The following SPTBN4 variants were observed in gnomAD, a reference collection of about 807,000 sequenced individuals.
The protein encoded by SPTBN4 is spectrin beta, non-erythrocytic 4, also known as spectrin beta chain, non-erythrocytic 4.
In SPTBN4, 96 loss-of-function variants were observed where a neutral mutation model predicts 277.8. The ratio of observed to expected loss-of-function variants is 0.35; its 90% CI spans 0.29 to 0.41. The LOEUF is 0.41. SPTBN4 is among the 10% of genes least tolerant of loss of function. The probability of loss-of-function intolerance (pLI) is 1.00; values close to 1 mark genes in which losing one functional copy is unlikely to be tolerated. For missense variants in SPTBN4, 3,006 were observed against 3,595.7 expected, an observed-to-expected ratio of 0.84 and a Z score of 4.19; for synonymous variants, 1,481 against 1,580.3, an observed-to-expected ratio of 0.94 and a Z score of 1.49.
chr19:40,569,619 C>T (rs1266550859), intron 31 of SPTBN4, 38 bp from the exon 32 acceptor site: 3 of 1,607,428 alleles, frequency 1.9e-6, no homozygotes, highest in African/African-American at 2.7e-5. Flanking sequence ...GAGAAGGAAC[C>T]CTGGTTTCAC....
intron 20 of SPTBN4, among the ~76,000 whole-genome samples, chr19:40,547,620 G>A (rs550712111): frequency 1.3e-5 from 2 of 152,258 alleles, no homozygotes; most frequent in South Asian, 4.2e-4. Context: ...CTTCCCCAAT[G>A]GTTGAACCAG....
intron 1 of SPTBN4, among the ~76,000 whole-genome samples, chr19:40,469,831 G>T (rs1445113683): frequency 6.9e-6 from 1 of 145,778 alleles, no homozygotes; most frequent in Non-Finnish European, 1.5e-5. Flanking sequence ...TTTAGTAGAG[G>T]CGGGGTTTCA....
chr19:40,493,081 G>A (rs746795532), intron 5 of SPTBN4, 27 bp downstream of exon 5: 10 of 1,610,732 alleles, frequency 6.2e-6, no homozygotes, highest in Non-Finnish European at 2.5e-6. Context: ...CCTTCCTTAG[G>A]AGGTTAGGCA....
chr19:40,501,338 A>G (rs965955964), intron 7 of SPTBN4, among the ~76,000 whole-genome samples: 28 of 152,142 alleles, frequency 1.8e-4, no homozygotes, highest in Non-Finnish European at 8.8e-5. Context: ...CAGCACATGC[A>G]AAGGCCCTGA....
intron 13 of SPTBN4, among the ~76,000 whole-genome samples, chr19:40,506,992 C>A (rs959063318): frequency 1.3e-5 from 2 of 151,358 alleles, no homozygotes; most frequent in African/African-American, 2.4e-5. Flanking sequence ...TCTTAAAAAA[C>A]CAAAAAGAAA....
chr19:40,545,895 TAGTC>T (rs1319623699), intron 20 of SPTBN4, among the ~76,000 whole-genome samples: 6 of 151,730 alleles, frequency 4.0e-5, no homozygotes, highest in South Asian at 2.1e-4. Flanking sequence ...CAAAAAAAAT[TAGTC>T]AGGCGTGGTG....
chr19:40,484,720 G>A (rs559623488), intron 2 of SPTBN4, among the ~76,000 whole-genome samples: 38 of 152,032 alleles, frequency 2.5e-4, no homozygotes, highest in Middle Eastern at 3.4e-3. Context: ...GAGGTCAGGA[G>A]ATGGAGACCA....
At chr19:40,526,167 C>CTTTTTTTT (rs1168105162) in intron 17 of SPTBN4, among the ~76,000 whole-genome samples, 3 of 93,160 alleles carry the variant, frequency 3.2e-5, no homozygotes, top group African/African-American at 4.4e-5. Flanking sequence ...AGGTGCTGTT[C>CTTTTTTTT]TTTTTTTTTT....
chr19:40,484,793 G>A (rs540943636), intron 2 of SPTBN4, among the ~76,000 whole-genome samples: 1 of 151,800 alleles, frequency 6.6e-6, no homozygotes, highest in African/African-American at 2.4e-5. Context: ...TTAGCCGGGC[G>A]TGGTGGCAGG....
intron 1 of SPTBN4, among the ~76,000 whole-genome samples, chr19:40,467,743 G>GAGGGCTAACAGGAGTGCTA (rs1301053445): frequency 6.6e-6 from 1 of 152,066 alleles, no homozygotes; most frequent in Non-Finnish European, 1.5e-5. Flanking sequence ...GGCCTGGCCA[G>GAGGGCTAACAGGAGTGCTA]AGGGCTAACA....
chr19:40,548,572 G>T (rs374914224), intron 20 of SPTBN4, among the ~76,000 whole-genome samples: 3 of 151,488 alleles, frequency 2.0e-5, no homozygotes, highest in Non-Finnish European at 2.9e-5. Flanking sequence ...AAAATTAGCC[G>T]GGCATGATGG....
At chr19:40,514,699 G>A (rs879717173) in intron 14 of SPTBN4, among the ~76,000 whole-genome samples, 1 of 152,194 alleles carries the variant, frequency 6.6e-6, no homozygotes, top group Non-Finnish European at 1.5e-5. Flanking sequence ...ACTGTCATGA[G>A]TTCAGGGGCA....
At chr19:40,498,673 G>T (rs551930083) in intron 7 of SPTBN4, among the ~76,000 whole-genome samples, 1 of 150,282 alleles carries the variant, frequency 6.7e-6, no homozygotes, top group Non-Finnish European at 1.5e-5. Flanking sequence ...CAAAGTGCTG[G>T]GATTACAGGC....
At chr19:40,569,961 C>CACACACACACAG (rs2081135535) in intron 32 of SPTBN4, among the ~76,000 whole-genome samples, 1 of 145,778 alleles carries the variant, frequency 6.9e-6, no homozygotes, top group African/African-American at 2.6e-5. Flanking sequence ...CACACACACA[C>CACACACACACAG]ACACACACAC....
At chr19:40,549,145 A>G (rs1467185819) in intron 20 of SPTBN4, 44 bp from the exon 21 acceptor site, 1 of 1,482,262 alleles carries the variant, frequency 6.7e-7, no homozygotes, top group Non-Finnish European at 9.1e-7. Context: ...CAGCAGGATC[A>G]GGAGGGCGGG....
At chr19:40,569,469 C>T (rs1599823618) in intron 31 of SPTBN4, among the ~76,000 whole-genome samples, 188 bp from the exon 32 acceptor site, 1 of 151,588 alleles carries the variant, frequency 6.6e-6, no homozygotes, top group East Asian at 1.9e-4. Flanking sequence ...GAGGTTTGGT[C>T]TTCCATTCAG....
rs2081131116 is a variant in SPTBN4 at position 40,569,705 on chromosome 19, A to T, written c.7005A>T (p.Ala2335=). Residue 2335 remains alanine (A), a synonymous_variant, in exon 32 of 36, where the codon GCA becomes GCT. Transcript: ENST00000598249. The part of the protein sequence containing the change: ...DIVEQLQEKE[A]GPGLPAGPSL... ...TGGAACAGCTGCAGGAGAAAGAGGC[A>T]GGCCCAGGGCTGCCTGCTGGGGTAA... 6.2e-7 allele frequency: 1 copy of T among 1,612,554 alleles called. No homozygotes were observed. Among genetic ancestry groups the T allele is most frequent in the Non-Finnish European group, 8.5e-7 (1 of 1,179,488 alleles).
chr19:40,484,995 C>G (rs183054171), intron 2 of SPTBN4, among the ~76,000 whole-genome samples: 7 of 152,176 alleles, frequency 4.6e-5, no homozygotes, highest in East Asian at 1.9e-4. Flanking sequence ...TGGCACCCAC[C>G]ACCATGCCCG....
In SPTBN4 at chr19:40,519,548, C is replaced by G. The variant is rs375676952; in HGVS notation, c.3051C>G (p.Gly1017=). 604 of 1,572,624 alleles carry G rather than the reference C, an allele frequency of 3.8e-4. No homozygotes were observed. Among genetic ancestry groups the G allele is most frequent in the Non-Finnish European group, 5.0e-4 (586 of 1,163,390 alleles). ...RRAVESAPRA[G]GALQWRLSGL... is the part of the protein sequence containing the mutation. ...CTGTGGAGAGCGCGCCCCGGGCCGG[C>G]GGCGCCCTGCAGTGGCGTCTTAGCG... Residue 1017 remains glycine (G), a synonymous_variant, in exon 16 of 36, where the codon GGC becomes GGG. Transcript: ENST00000598249. This position sits in a 1 kb window ranked among gnomAD's most constrained non-coding sequence, Gnocchi z 5.7.
Sources: gnomAD v4.1 joint callset for allele counts (sites outside exome capture counted in the v4.1 genomes callset) on GRCh38, gnomAD v4.1.1 for gene constraint, Gnocchi (gnomAD v3.1) non-coding constraint, MANE v1.5 for transcripts, NCBI Gene and HGNC (gene_info 2026-07-23, HGNC 2026-07-21) for gene names.